TFEC: variants seen among roughly 807,000 people sequenced by gnomAD.
TFEC encodes the protein transcription factor EC.
A neutral mutation model predicts 41.6 loss-of-function variants in TFEC; 31 were observed. That is an observed-to-expected ratio of 0.74 (90% CI 0.56 to 1.01). TFEC has a LOEUF of 1.01. TFEC is among the 50% of genes least tolerant of loss of function. The probability of loss-of-function intolerance (pLI) is 0.00; values close to 1 mark genes in which losing one functional copy is unlikely to be tolerated. For missense variants in TFEC, 402 were observed against 404.1 expected (o/e 0.99, Z 0.04); for synonymous variants, 143 against 140.6 (o/e 1.02, Z -0.12).
intron 1 of TFEC, among the ~76,000 whole-genome samples, chr7:116,029,355 C>T (rs1322677854): frequency 6.6e-6 from 1 of 152,064 alleles, no homozygotes; most frequent in Non-Finnish European, 1.5e-5. Context: ...TTAAAAGATA[C>T]TTGCAAGTGC....
intron 1 of TFEC, among the ~76,000 whole-genome samples, chr7:115,996,106 G>A (rs1319152627): frequency 6.6e-6 from 1 of 152,174 alleles, no homozygotes; most frequent in Non-Finnish European, 1.5e-5. Flanking sequence ...AGCTGGGGTG[G>A]CAAAGGGAGT....
chr7:116,124,136 A>T (rs1798163954), intron 1 of TFEC, among the ~76,000 whole-genome samples: 1 of 152,156 alleles, frequency 6.6e-6, no homozygotes, highest in Non-Finnish European at 1.5e-5. Flanking sequence ...ACAAATTGAA[A>T]AGTTATCTCC....
At chr7:116,039,465 GTTC>G (rs1213321608) in intron 3 of TFEC, among the ~76,000 whole-genome samples, 2 of 147,794 alleles carry the variant, frequency 1.4e-5, no homozygotes, top group Admixed American at 6.8e-5. Context: ...GTGTGTGTGT[GTTC>G]ATCAGTATTA....
At chr7:115,972,223 G>A (rs981691418) in intron 3 of TFEC, among the ~76,000 whole-genome samples, 19 of 152,060 alleles carry the variant, frequency 1.2e-4, no homozygotes, top group African/African-American at 3.9e-4. Flanking sequence ...TCTTTCTAAA[G>A]GACTTCCAAA....
At chr7:116,067,171 AGGCCATAGAACATAG>A (rs1359625097) in intron 3 of TFEC, among the ~76,000 whole-genome samples, 4 of 152,060 alleles carry the variant, frequency 2.6e-5, no homozygotes, top group African/African-American at 9.7e-5. Context: ...CAGAAGGATG[AGGCCATAGAACATAG>A]GGCCATAGAA....
rs533276222 is a variant in TFEC, at chr7:115,981,252, C to T, written c.180+3010G>A. On this transcript the variant is annotated intron_variant, in intron 2 of 7. Transcript: ENST00000265440. ...TTCTCTACTCAAAAAAATTATCTTC[C>T]GTCATCTTTGCTGTTGATGTATATG... Among the ~76,000 whole-genome samples the T allele has an allele frequency of 2.4e-4, 36 of 152,116 alleles. 1 individual carries two copies. The South Asian group carries it at 6.6e-3, about 28-fold the overall frequency.
intron 3 of TFEC, among the ~76,000 whole-genome samples, chr7:115,963,658 C>A (rs976521471): frequency 2.0e-5 from 3 of 151,562 alleles, no homozygotes. Flanking sequence ...ATAAGCCAAC[C>A]ACAATAGGAT....
At chr7:115,966,183 G>A (rs1792838238) in intron 3 of TFEC, among the ~76,000 whole-genome samples, 1 of 151,504 alleles carries the variant, frequency 6.6e-6, no homozygotes, top group Non-Finnish European at 1.5e-5. Flanking sequence ...TTGCTGCATG[G>A]CCCCACTTTC....
chr7:116,010,044 C>T (rs1259040006), intron 1 of TFEC, among the ~76,000 whole-genome samples: 2 of 152,022 alleles, frequency 1.3e-5, no homozygotes, highest in East Asian at 1.9e-4. Context: ...TAGTAAAAAG[C>T]ATTTCGGAGA....
chr7:116,091,861 TAAAAAAA>T (rs34479523), intron 3 of TFEC, among the ~76,000 whole-genome samples: 1,937 of 147,068 alleles, frequency 0.013, 40 homozygotes, highest in African/African-American at 0.046. Flanking sequence ...ATAATTACGC[TAAAAAAA>T]AAAGGAAAAA....
chr7:116,062,422 A>G (rs540183782), intron 3 of TFEC, among the ~76,000 whole-genome samples: 12 of 149,420 alleles, frequency 8.0e-5, no homozygotes, highest in East Asian at 5.9e-4. Context: ...TTCATAGCTT[A>G]GCTCCCACTT....
chr7:116,140,693 T>C (rs886583620), intron 1 of TFEC, among the ~76,000 whole-genome samples: 2 of 152,308 alleles, frequency 1.3e-5, no homozygotes, highest in African/African-American at 4.8e-5. Flanking sequence ...AGAGGCTAAA[T>C]GAGAAGTCAG....
intron 3 of TFEC, among the ~76,000 whole-genome samples, chr7:116,090,876 C>T (rs900884641): frequency 2.7e-5 from 4 of 150,650 alleles, no homozygotes; most frequent in African/African-American, 4.9e-5. Context: ...AACAGAAAAC[C>T]AAACACCACA....
chr7:116,089,216 T>C (rs757837927), intron 3 of TFEC, among the ~76,000 whole-genome samples: 1 of 152,146 alleles, frequency 6.6e-6, no homozygotes, highest in African/African-American at 2.4e-5. Flanking sequence ...GAGTATCATA[T>C]GTCAGCTTGA....
intron 1 of TFEC, among the ~76,000 whole-genome samples, chr7:116,126,064 T>C (rs1798202868): frequency 6.6e-6 from 1 of 152,050 alleles, no homozygotes; most frequent in African/African-American, 2.4e-5. Context: ...CATTTGGTCC[T>C]CTTCAAATAT....
intron 1 of TFEC, among the ~76,000 whole-genome samples, chr7:116,129,216 T>G (rs192942587): frequency 7.9e-5 from 12 of 152,340 alleles, no homozygotes; most frequent in South Asian, 4.1e-4. Flanking sequence ...TCCTTCATTC[T>G]CTTGTCCCAA....
intron 1 of TFEC, among the ~76,000 whole-genome samples, chr7:116,132,451 C>T (rs1014514340): frequency 1.3e-5 from 2 of 152,086 alleles, no homozygotes; most frequent in Non-Finnish European, 2.9e-5. Context: ...GTATAACTCT[C>T]GAAAAACTGA....
At chr7:116,154,787 C>T (rs1260783473) in intron 1 of TFEC, among the ~76,000 whole-genome samples, 1 of 152,080 alleles carries the variant, frequency 6.6e-6, no homozygotes, top group Non-Finnish European at 1.5e-5. Flanking sequence ...TTGGTTTGGC[C>T]AATAAGAGGC....
At chr7:116,147,870 A>G (rs1798675947) in intron 1 of TFEC, among the ~76,000 whole-genome samples, 1 of 152,208 alleles carries the variant, frequency 6.6e-6, no homozygotes, top group Non-Finnish European at 1.5e-5. Flanking sequence ...ATGAGAATCC[A>G]TCAGTGGATA....
Sources: allele counts gnomAD v4.1 joint callset (sites outside exome capture counted in the v4.1 genomes callset), GRCh38; gene constraint gnomAD v4.1.1; transcripts MANE v1.5; gene names NCBI Gene and HGNC (gene_info 2026-07-23, HGNC 2026-07-21).